ADCY1: variants seen among roughly 807,000 people sequenced by gnomAD.
ADCY1 encodes the protein adenylate cyclase type 1.
In ADCY1, 28 loss-of-function variants were observed where a neutral mutation model predicts 105.4. The ratio of observed to expected loss-of-function variants is 0.27; its 90% CI spans 0.20 to 0.36. ADCY1 has a LOEUF of 0.36. Ranked by LOEUF, ADCY1 falls within the 10% of genes least tolerant of loss-of-function variation. The pLI is 1.00. For missense variants in ADCY1, 977 were observed against 1,434.2 expected (o/e 0.68, Z 5.15); for synonymous variants, 655 against 623.8 (o/e 1.05, Z -0.75).
At chr7:45,583,707 C>CTT (rs1443335554) in intron 1 of ADCY1, among the ~76,000 whole-genome samples, 1 of 151,978 alleles carries the variant, frequency 6.6e-6, no homozygotes. Context: ...GTGGCGCTGT[C>CTT]TCGGCTCACC....
chr7:45,698,618 G>A (rs1350713218), intron 14 of ADCY1, among the ~76,000 whole-genome samples: 4 of 152,152 alleles, frequency 2.6e-5, no homozygotes, highest in Non-Finnish European at 5.9e-5. Context: ...GGGGGCCCTG[G>A]TGTTCAGATT....
At chr7:45,698,164 T>TACACAC (rs72397514) in intron 14 of ADCY1, among the ~76,000 whole-genome samples, 222 of 147,702 alleles carry the variant, frequency 1.5e-3, no homozygotes, top group South Asian at 3.9e-3. Flanking sequence ...CATACTCTCT[T>TACACAC]ACACACACAC....
At chr7:45,608,600 G>A (rs1171737638) in intron 2 of ADCY1, among the ~76,000 whole-genome samples, 1 of 152,254 alleles carries the variant, frequency 6.6e-6, no homozygotes, top group African/African-American at 2.4e-5. Context: ...GGGGCCGTGT[G>A]CGGGAAGTCA....
In ADCY1 at chr7:45,640,567, T is replaced by C. The variant is rs188645104; in HGVS notation, c.1021-8103T>C. ...AGAAAAGAATGTCAGCTCTGGCTTG[T>C]GGGTGTGACTTCCTTCAGGCCCTTA... On this transcript the variant is annotated intron_variant, in intron 4 of 19. Transcript: ENST00000297323. Among the ~76,000 whole-genome samples the C allele has an allele frequency of 4.9e-4, 74 of 152,278 alleles. No individual in the cohort carries two copies. The South Asian group carries it at 9.8e-3, about 20-fold the overall frequency.
At chr7:45,700,719 G>A (rs1458458352) in intron 14 of ADCY1, among the ~76,000 whole-genome samples, 3 of 152,168 alleles carry the variant, frequency 2.0e-5, no homozygotes, top group African/African-American at 7.2e-5. Flanking sequence ...GAGGGAGGTG[G>A]GGACATCACT....
In ADCY1 at chr7:45,610,605, G is replaced by A. The variant is rs916666006; in HGVS notation, c.908+108G>A. 7 of 956,750 alleles carry A rather than the reference G, an allele frequency of 7.3e-6. No homozygotes were observed. The Admixed American group carries it at 1.3e-4, about 18-fold the overall frequency. The allele number at this position is 956,750 out of a possible 1,614,324, so 59.3% of individuals were successfully genotyped here. ...CAGAAGTGGGGAAGGGATGGATGGA[G>A]GTGGGGAAAGAATGGGGGTGTGGAG... On this transcript the variant is annotated intron_variant, in intron 3 of 19. Coordinates refer to ENST00000297323, the MANE Select transcript of ADCY1 (RefSeq NM_021116.4).
intron 2 of ADCY1, among the ~76,000 whole-genome samples, chr7:45,607,494 G>A (rs1284056691): frequency 1.3e-5 from 2 of 152,108 alleles, no homozygotes; most frequent in Admixed American, 6.5e-5. Context: ...GGTTTGTTAC[G>A]TTGATATACT....
intron 2 of ADCY1, among the ~76,000 whole-genome samples, chr7:45,594,198 A>G (rs1793009355): frequency 6.6e-6 from 1 of 151,854 alleles, no homozygotes; most frequent in African/African-American, 2.4e-5. Context: ...ATATGCAGGG[A>G]TATGTGTATA....
chr7:45,700,800 A>G (rs1784982662), intron 14 of ADCY1, among the ~76,000 whole-genome samples: 1 of 152,162 alleles, frequency 6.6e-6, no homozygotes, highest in African/African-American at 2.4e-5. Context: ...TGTTGATTCC[A>G]GGTTCTGTGG....
intron 11 of ADCY1, among the ~76,000 whole-genome samples, chr7:45,681,033 CG>C (rs1227251092): frequency 6.6e-6 from 1 of 152,250 alleles, no homozygotes; most frequent in African/African-American, 2.4e-5. Flanking sequence ...GGTGGTGAGA[CG>C]GGTCAGCCCC....
rs1054170067 is a variant in ADCY1 at position 45,716,852 on chromosome 7, C to G, written c.*2857C>G. 2.0e-5 allele frequency: 3 copies of G among 152,344 alleles called. No homozygotes were observed. The highest frequency in any genetic ancestry group is 7.2e-5 in the African/African-American group (3 of 41,418). The allele number at this position is 152,344 out of a possible 1,614,324, so 9.4% of individuals were successfully genotyped here. On this transcript the variant is annotated 3_prime_UTR_variant, in exon 20 of 20. Transcript: ENST00000297323. ...GGAGGCAGGAGAGCCTGGAAAGATT[C>G]GAAGTGTCACAGAGATGGTGCCGTC...
Position 45,686,164 on chromosome 7 carries a change from T to C in ADCY1, c.2276T>C (p.Leu759Pro). The part of the protein sequence containing the change: ...SLPKMILLSG[L>P]TTSYILVLEL... ...CCAAAAATGATCCTGCTCTCCGGGC[T>C]CACCACGTCCTACATCCTCGTTCTG... Residue 759 changes from leucine (L) to proline (P), a missense_variant, in exon 13 of 20, where the codon CTC becomes CCC. Physicochemically the swap from Leu to Pro is moderately conservative, Grantham distance 98 (BLOSUM62 -3). Coordinates refer to ENST00000297323, the MANE Select transcript of ADCY1 (RefSeq NM_021116.4). This position sits in a 1 kb window ranked among gnomAD's most constrained non-coding sequence, Gnocchi z 4.3. The C allele has an allele frequency of 6.2e-7, 1 of 1,614,176 alleles. No individual in the cohort carries two copies. The highest frequency in any genetic ancestry group is 8.5e-7 in the Non-Finnish European group (1 of 1,180,042).
chr7:45,663,215 C>A (rs914837400), intron 8 of ADCY1, among the ~76,000 whole-genome samples: 1 of 152,248 alleles, frequency 6.6e-6, no homozygotes, highest in Non-Finnish European at 1.5e-5. Flanking sequence ...CACCTCCAGA[C>A]TCAGCCCAGG....
At chr7:45,657,344 C>G (rs963516587) in intron 5 of ADCY1, among the ~76,000 whole-genome samples, 1 of 152,268 alleles carries the variant, frequency 6.6e-6, no homozygotes, top group Non-Finnish European at 1.5e-5. Context: ...AGTGGCCTCA[C>G]AGAGCCTTAT....
intron 8 of ADCY1, chr7:45,664,496 C>A: frequency 7.0e-7 from 1 of 1,425,394 alleles, no homozygotes; most frequent in East Asian, 2.5e-5. Flanking sequence ...CTCTCCTGAT[C>A]GTAAACATAA....
intron 5 of ADCY1, among the ~76,000 whole-genome samples, chr7:45,653,244 G>GAA (rs1403544851): frequency 2.0e-5 from 3 of 152,134 alleles, no homozygotes; most frequent in Non-Finnish European, 4.4e-5. Context: ...TGGAGCTTCA[G>GAA]TTTTCCCCCT....
At chr7:45,677,493 G>A in intron 8 of ADCY1, among the ~76,000 whole-genome samples, 1 of 152,208 alleles carries the variant, frequency 6.6e-6, no homozygotes. Flanking sequence ...CTTAGAAGGA[G>A]GGGGTTGGAC....
At chr7:45,578,125 C>T (rs1003247893) in intron 1 of ADCY1, among the ~76,000 whole-genome samples, 2 of 152,126 alleles carry the variant, frequency 1.3e-5, no homozygotes, top group African/African-American at 2.4e-5. Flanking sequence ...CAAGCTGCCC[C>T]AGGACTCTGG....
chr7:45,581,903 A>G (rs1737898717), intron 1 of ADCY1, among the ~76,000 whole-genome samples: 1 of 151,910 alleles, frequency 6.6e-6, no homozygotes, highest in African/African-American at 2.4e-5. Flanking sequence ...ATACACTCAC[A>G]CTCATTCTCC....
Sources: gnomAD v4.1 joint callset for allele counts (sites outside exome capture counted in the v4.1 genomes callset) on GRCh38, gnomAD v4.1.1 for gene constraint, Gnocchi (gnomAD v3.1) non-coding constraint, MANE v1.5 for transcripts, NCBI Gene and HGNC (gene_info 2026-07-23, HGNC 2026-07-21) for gene names.